The following TARS3 variants were observed in gnomAD, a reference collection of about 807,000 sequenced individuals.
TARS3 encodes the protein threonine--tRNA ligase 2, cytoplasmic.
TARS3 carries 94 observed loss-of-function variants against 103.5 expected under a neutral mutation model. That is an observed-to-expected ratio of 0.91 (90% CI 0.77 to 1.08). The LOEUF (loss-of-function observed/expected upper bound fraction) is 1.08, where lower values mean the gene tolerates loss of function less well. TARS3 is among the 50% of genes least tolerant of loss of function. The pLI, the probability that TARS3 is intolerant of heterozygous loss-of-function variation, is 0.00. For missense variants in TARS3, 952 were observed against 995.2 expected, an observed-to-expected ratio of 0.96 and a Z score of 0.58; for synonymous variants, 416 against 355.4, an observed-to-expected ratio of 1.17 and a Z score of -1.92.
chr15:101,699,542 A>G (rs746013764), intron 10 of TARS3: 6 of 432,912 alleles, frequency 1.4e-5, no homozygotes, highest in Non-Finnish European at 2.3e-5. Context: ...GGCCATGCTG[A>G]TTTTCCAGAG....
At chr15:101,696,224 A>G (rs1898973784) in intron 10 of TARS3, among the ~76,000 whole-genome samples, 1 of 149,296 alleles carries the variant, frequency 6.7e-6, no homozygotes, top group South Asian at 2.1e-4. Flanking sequence ...AAAAAAAAAA[A>G]AAAAAAAAAA....
At chr15:101,680,450 C>G (rs1020889895) in intron 12 of TARS3, among the ~76,000 whole-genome samples, 2 of 152,178 alleles carry the variant, frequency 1.3e-5, no homozygotes, top group African/African-American at 4.8e-5. Flanking sequence ...ACAAAAACAC[C>G]TAAGGAACTC....
At chr15:101,691,500 G>A (rs570644417) in intron 10 of TARS3, among the ~76,000 whole-genome samples, 19 of 148,654 alleles carry the variant, frequency 1.3e-4, no homozygotes, top group South Asian at 4.3e-4. Context: ...GGCTGGTCTC[G>A]AACTCCTGGC....
chr15:101,719,158 T>TGGCTTCAAGCA (rs1900317143), intron 3 of TARS3, among the ~76,000 whole-genome samples: 1 of 152,144 alleles, frequency 6.6e-6, no homozygotes. Context: ...GGCCTCAAGG[T>TGGCTTCAAGCA]GGCTTCAAGC....
chr15:101,705,199 C>G (rs1419039432), intron 7 of TARS3, among the ~76,000 whole-genome samples: 1 of 152,192 alleles, frequency 6.6e-6, no homozygotes, highest in Non-Finnish European at 1.5e-5. Flanking sequence ...ACATTTGATC[C>G]TGCCTTTGTT....
chr15:101,677,336 C>G (rs147169914), intron 12 of TARS3, among the ~76,000 whole-genome samples: 131 of 152,252 alleles, frequency 8.6e-4, no homozygotes, highest in African/African-American at 3.0e-3. Context: ...AATTCTCTCT[C>G]TTTTTGAGTT....
At chr15:101,705,581 C>T (rs943603454) in intron 7 of TARS3, 102 bp downstream of exon 7, 3 of 906,102 alleles carry the variant, frequency 3.3e-6, no homozygotes, top group Non-Finnish European at 5.3e-6. Context: ...ATCAACTACA[C>T]AACTTGAAAA....
At chr15:101,708,522 T>G (rs555533865) in intron 6 of TARS3, among the ~76,000 whole-genome samples, 1 of 152,180 alleles carries the variant, frequency 6.6e-6, no homozygotes, top group Non-Finnish European at 1.5e-5. Context: ...GTGACAGATA[T>G]TCACAATACT....
intron 15 of TARS3, among the ~76,000 whole-genome samples, chr15:101,666,474 C>CAAAAA (rs11450994): frequency 2.2e-4 from 10 of 45,536 alleles, no homozygotes; most frequent in Middle Eastern, 0.011. Context: ...AGACTCATCT[C>CAAAAA]AAAAAAAAAA....
intron 10 of TARS3, among the ~76,000 whole-genome samples, chr15:101,693,869 C>T (rs2141417791): frequency 6.6e-6 from 1 of 152,142 alleles, no homozygotes; most frequent in East Asian, 1.9e-4. Flanking sequence ...CAGCCGTTCC[C>T]TGAGGTCAGG....
At chr15:101,673,331 C>T (rs545211506) in intron 13 of TARS3, among the ~76,000 whole-genome samples, 1 of 152,298 alleles carries the variant, frequency 6.6e-6, no homozygotes, top group East Asian at 1.9e-4. Context: ...GCTCCCCACA[C>T]CCCACCAAGT....
At chr15:101,701,590 C>A (rs374007712) in intron 9 of TARS3, among the ~76,000 whole-genome samples, 16 of 152,288 alleles carry the variant, frequency 1.1e-4, no homozygotes, top group African/African-American at 3.8e-4. Flanking sequence ...TTCACAGCCA[C>A]CCTGCAAGGC....
rs1319329953 is a variant in TARS3, at chr15:101,687,708, TC to T, written c.1321-1647del. On this transcript the variant is annotated intron_variant, in intron 10 of 18. Transcript: ENST00000335968. The stretch of plus-strand genomic sequence containing the variant: ...ATCCCTGCAATGGACTGAATGTGTC[TC>T]CCCCAAAATTGTGATATTGATACCT... 2.6e-5 allele frequency among the ~76,000 whole-genome samples: 4 copies of T among 152,234 alleles called. No homozygotes were observed. The East Asian group carries it at 7.7e-4, about 29-fold the overall frequency.
Position 101,724,233 on chromosome 15 carries a change from C to T in TARS3, c.155G>A (p.Arg52Gln), listed in dbSNP as rs995427156. Residue 52 changes from arginine (R) to glutamine (Q), a missense_variant, in exon 1 of 19, where the codon CGG (arginine) becomes CAG (glutamine). Around this residue, in one of 2 missense-constraint regions of TARS3, gnomAD observed 412 missense variants for 364.2 expected, o/e 1.13. Transcript: ENST00000335968. The part of the protein sequence containing the change: ...SCQAEGPCLT[R>Q]EVAQLRAENC... ...CTCGGCCCGGAGCTGCGCCACCTCCCGCGTGAGGCACGGCCCCTCCGCCTG... is the reference window on the plus strand; with the variant it reads ...CTCGGCCCGGAGCTGCGCCACCTCCTGCGTGAGGCACGGCCCCTCCGCCTG... 37 of 1,549,908 alleles carry T rather than the reference C, an allele frequency of 2.4e-5. No homozygotes were observed. The highest frequency in any genetic ancestry group is 2.9e-5 in the Non-Finnish European group (33 of 1,155,302).
intron 3 of TARS3, among the ~76,000 whole-genome samples, 172 bp downstream of exon 3, chr15:101,720,954 G>A (rs1364715417): frequency 6.6e-6 from 1 of 152,186 alleles, no homozygotes; most frequent in Non-Finnish European, 1.5e-5. Flanking sequence ...CCCCAGCCCT[G>A]CGGAACTGTG....
At chr15:101,709,567 C>T (rs570599081) in intron 5 of TARS3, among the ~76,000 whole-genome samples, 19 of 152,356 alleles carry the variant, frequency 1.2e-4, no homozygotes, top group African/African-American at 4.6e-4. Context: ...TTCAATGCCA[C>T]CTGCTCCTTC....
chr15:101,702,356 C>T lies in TARS3; in HGVS notation c.1104G>A (p.Pro368=), dbSNP rs149442128. Residue 368 remains proline (P), a synonymous_variant, in exon 9 of 19, where the codon CCG becomes CCA. Transcript: ENST00000335968. ...KNSSTYWEGN[P]EMETLQRIYG... is the part of the protein sequence containing the mutation. ...AGATCCTCTGCAATGTTTCCATTTC[C>T]GGATTGCCCTCCCAATATGTTGAGG... 46 of 1,613,794 alleles carry T rather than the reference C, an allele frequency of 2.9e-5. No individual in the cohort carries two copies. Among genetic ancestry groups the T allele is most frequent in the African/African-American group, 1.5e-4 (11 of 75,000 alleles).
chr15:101,720,580 C>T (rs1324733876), intron 3 of TARS3, among the ~76,000 whole-genome samples: 1 of 151,878 alleles, frequency 6.6e-6, no homozygotes, highest in Non-Finnish European at 1.5e-5. Context: ...TTCTGATATT[C>T]AACTACTTAT....
rs886252758 is a variant in TARS3 at position 101,724,195 on chromosome 15, G to A, written c.193C>T (p.Arg65Cys). The A allele has an allele frequency of 6.6e-7, 1 of 1,521,578 alleles. No homozygotes were observed. The highest frequency in any genetic ancestry group is 2.6e-5 in the East Asian group (1 of 38,720). 94.3% of individuals were successfully genotyped at this position (1,521,578 alleles called of 1,614,324 possible). Residue 65 changes from arginine (R) to cysteine (C), a missense_variant, in exon 1 of 19, where the codon CGC becomes TGC. Transcript: ENST00000335968. ...AQLRAENCDL[R>C]HRLCSLRLCL... ...AGCCGCAGGCTGCACAGGCGGTGGCGCAGGTCGCAGTTCTCGGCCCGGAGC... is the reference window on the plus strand; with the variant it reads ...AGCCGCAGGCTGCACAGGCGGTGGCACAGGTCGCAGTTCTCGGCCCGGAGC...
Sources: gnomAD v4.1 joint callset for allele counts (sites outside exome capture counted in the v4.1 genomes callset) on GRCh38, gnomAD v4.1.1 for gene constraint, gnomAD v4.1.1 regional missense constraint, MANE v1.5 for transcripts, NCBI Gene and HGNC (gene_info 2026-07-23, HGNC 2026-07-21) for gene names.